OTUD4: variants seen among roughly 807,000 people sequenced by gnomAD.
OTUD4 encodes the protein OTU deubiquitinase 4, also known as OTU domain-containing protein 4.
OTUD4 carries 24 observed loss-of-function variants against 130.4 expected under a neutral mutation model. The ratio of observed to expected loss-of-function variants is 0.18; its 90% CI spans 0.13 to 0.26. The LOEUF is 0.26. OTUD4 is among the 10% of genes least tolerant of loss of function. The pLI, the probability that OTUD4 is intolerant of heterozygous loss-of-function variation, is 1.00. For missense variants in OTUD4, 1,031 were observed against 1,329.4 expected, an observed-to-expected ratio of 0.78 and a Z score of 3.49; for synonymous variants, 420 against 472.5, an observed-to-expected ratio of 0.89 and a Z score of 1.44.
chr4:145,163,332 T>C (rs1184377345), intron 5 of OTUD4, among the ~76,000 whole-genome samples: 2 of 152,176 alleles, frequency 1.3e-5, no homozygotes, highest in Non-Finnish European at 2.9e-5. Flanking sequence ...GACTCCAAAA[T>C]AGCTACTTAA....
At chr4:145,143,305 C>A in intron 17 of OTUD4, 60 bp downstream of exon 17, 1 of 1,057,558 alleles carries the variant, frequency 9.5e-7, no homozygotes. Context: ...TGACCCTATA[C>A]ACAGAGCACA....
At chr4:145,161,877 C>T (rs557485800) in intron 6 of OTUD4, among the ~76,000 whole-genome samples, 11 of 152,268 alleles carry the variant, frequency 7.2e-5, no homozygotes, top group Admixed American at 7.2e-4. Context: ...GCATATAAAT[C>T]TTTATTACCA....
At chr4:145,143,505 G>C in intron 16 of OTUD4, 60 bp from the exon 17 acceptor site, 1 of 964,540 alleles carries the variant, frequency 1.0e-6, no homozygotes, top group Non-Finnish European at 1.6e-6. Flanking sequence ...CTGGAATATT[G>C]ATGGTTTCCT....
At chr4:145,158,764 T>C (rs1254463344) in intron 7 of OTUD4, among the ~76,000 whole-genome samples, 1 of 152,220 alleles carries the variant, frequency 6.6e-6, no homozygotes, top group African/African-American at 2.4e-5. Context: ...CTGGATACCG[T>C]ATCTAGGACC....
chr4:145,148,872 T>C (rs1227921133), intron 13 of OTUD4, among the ~76,000 whole-genome samples: 1 of 152,224 alleles, frequency 6.6e-6, no homozygotes, highest in Admixed American at 6.5e-5. Context: ...TTGAGTAAGC[T>C]ACCACCAGGG....
intron 1 of OTUD4, among the ~76,000 whole-genome samples, chr4:145,179,270 A>G (rs1752574601): frequency 1.3e-5 from 2 of 152,200 alleles, no homozygotes; most frequent in Non-Finnish European, 2.9e-5. Flanking sequence ...AAAATATTCT[A>G]TATTTGTAAA....
At position 145,141,640 on chromosome 4, in the gene OTUD4, C is replaced by A; in HGVS notation, c.1823-1G>T. ...AAAACGGGAATTGGAGCAGGGACACCTACAAAAGAGAAGAAAAGGAATCAA... is the reference window on the plus strand; with the variant it reads ...AAAACGGGAATTGGAGCAGGGACACATACAAAAGAGAAGAAAAGGAATCAA... On this transcript the variant is annotated splice_acceptor_variant, in intron 18 of 20. Coordinates refer to ENST00000447906, the MANE Select transcript of OTUD4 (RefSeq NM_001366057.1). LOFTEE classifies it high-confidence loss of function. 2.0e-6 allele frequency: 3 copies of A among 1,509,510 alleles called. No homozygotes were observed. Among genetic ancestry groups the A allele is most frequent in the South Asian group, 2.7e-5 (2 of 72,834 alleles). The allele number at this position is 1,509,510 out of a possible 1,614,324, so 93.5% of individuals were successfully genotyped here.
chr4:145,150,811 A>T lies in OTUD4; in HGVS notation c.1063T>A (p.Phe355Ile). Reference protein sequence around the residue: ...MKKPSTSGQNFHSDVDYRGPK... With the variant: ...MKKPSTSGQNIHSDVDYRGPK... ...CTTGATGTGCTCCTACCAGAATGGA[A>T]ATTTTGTCCAGAAGTGGAAGGTTTT... Residue 355 changes from phenylalanine (F) to isoleucine (I), a missense_variant, in exon 12 of 21, where the codon TTC becomes ATC. Physicochemically the swap from Phe to Ile is conservative, Grantham distance 21 (BLOSUM62 0). Around this residue, in one of 3 missense-constraint regions of OTUD4, gnomAD observed 900 missense variants for 1,095.9 expected, o/e 0.82. Coordinates refer to ENST00000447906, the MANE Select transcript of OTUD4 (RefSeq NM_001366057.1). The T allele has an allele frequency of 6.2e-7, 1 of 1,613,388 alleles. No individual in the cohort carries two copies. The highest frequency in any genetic ancestry group is 8.5e-7 in the Non-Finnish European group (1 of 1,179,436).
intron 5 of OTUD4, among the ~76,000 whole-genome samples, chr4:145,163,199 C>A (rs1003371814): frequency 1.3e-5 from 2 of 152,074 alleles, no homozygotes; most frequent in Non-Finnish European, 2.9e-5. Context: ...TTTGAAAAAG[C>A]CAGATCCCTT....
intron 1 of OTUD4, among the ~76,000 whole-genome samples, chr4:145,179,262 A>T (rs762200808): frequency 6.6e-6 from 1 of 152,180 alleles, no homozygotes; most frequent in Non-Finnish European, 1.5e-5. Context: ...AATCCTTCAA[A>T]ATATTCTATA....
intron 19 of OTUD4, among the ~76,000 whole-genome samples, chr4:145,140,644 T>C (rs911469391): frequency 6.6e-6 from 1 of 152,136 alleles, no homozygotes; most frequent in Admixed American, 6.5e-5. Flanking sequence ...ATACTAAATA[T>C]AGTACTTTAA....
At position 145,137,009 on chromosome 4, in the gene OTUD4, CTA is replaced by C. The variant is rs144795214; in HGVS notation, c.*419_*420del. 1.5e-3 allele frequency: 228 copies of C among 155,670 alleles called. No homozygotes were observed. The highest frequency in any genetic ancestry group is 2.5e-3 in the Non-Finnish European group (179 of 70,198). 9.6% of individuals were successfully genotyped at this position (155,670 alleles called of 1,614,324 possible). ...TTTGGTGCAACGTTATGTTTGGAAT[CTA>C]TAGTGTGTCAAATGGTATATTTTCT... On this transcript the variant is annotated 3_prime_UTR_variant, in exon 21 of 21. Transcript: ENST00000447906.
In OTUD4 at chr4:145,144,311, C is replaced by A. The variant is rs1750720837; in HGVS notation, c.1546G>T (p.Asp516Tyr). The A allele has an allele frequency of 6.2e-7, 1 of 1,609,702 alleles. No individual in the cohort carries two copies. The highest frequency in any genetic ancestry group is 1.3e-5 in the African/African-American group (1 of 74,652). ...RMDTEERKDK[D>Y]SIHGHSQLDK... ...GCTTTCTAATGATGAGATAACTTAC[C>A]TTTGTCTTTTCGTTCTTCTGTATCC... Residue 516 changes from aspartate (D) to tyrosine (Y), a missense_variant and splice_region_variant, in exon 15 of 21, where the codon GAC (aspartate) becomes TAC (tyrosine). Physicochemically the swap from Asp to Tyr is radical, Grantham distance 160 (BLOSUM62 -3). This residue lies in a region of OTUD4 where 900 missense variants were observed against 1,095.9 expected (regional missense o/e 0.82). Coordinates refer to ENST00000447906, the MANE Select transcript of OTUD4 (RefSeq NM_001366057.1).
At chr4:145,159,302 C>T (rs1751440097) in intron 7 of OTUD4, 7 of 1,377,052 alleles carry the variant, frequency 5.1e-6, no homozygotes, top group Non-Finnish European at 5.6e-6. Flanking sequence ...AAAACACCAA[C>T]TTTCAAAACA....
intron 1 of OTUD4, chr4:145,177,978 A>C (rs937898791): frequency 6.6e-6 from 1 of 152,214 alleles, no homozygotes; most frequent in South Asian, 2.1e-4. Flanking sequence ...GATGATGGCT[A>C]TAACTGTAGC....
In OTUD4 at chr4:145,143,459, AAAG is replaced by A; in HGVS notation, c.1603-17_1603-15del. ...ATCAGTAATATTCTTTGGAAGCAAA[AAAG>A]AAGCAAAGTTTTGTATTTCAGAGAC... On this transcript the variant is annotated splice_polypyrimidine_tract_variant and intron_variant, in intron 16 of 20. Coordinates refer to ENST00000447906, the MANE Select transcript of OTUD4 (RefSeq NM_001366057.1). 2.6e-6 allele frequency: 4 copies of A among 1,525,808 alleles called. No individual in the cohort carries two copies. The highest frequency in any genetic ancestry group is 3.5e-5 in the Admixed American group (2 of 57,798). 94.5% of individuals were successfully genotyped at this position (1,525,808 alleles called of 1,614,324 possible).
At chr4:145,165,304 C>A in intron 3 of OTUD4, 107 bp from the exon 4 acceptor site, 1 of 640,012 alleles carries the variant, frequency 1.6e-6, no homozygotes, top group Non-Finnish European at 2.8e-6. Flanking sequence ...GTTCTTAAAG[C>A]TCATTATTAT....
chr4:145,142,377 AG>A, intron 17 of OTUD4, 43 bp from the exon 18 acceptor site: 1 of 1,590,440 alleles, frequency 6.3e-7, no homozygotes, highest in Non-Finnish European at 8.6e-7. Context: ...AAAAGACAAG[AG>A]GTCATTTTGC....
chr4:145,140,451 A>C (rs969902430), intron 19 of OTUD4, among the ~76,000 whole-genome samples: 6 of 152,318 alleles, frequency 3.9e-5, no homozygotes, highest in Admixed American at 2.6e-4. Context: ...CACAAACATC[A>C]AACTACTAAC....
Sources: gnomAD v4.1 joint callset for allele counts (sites outside exome capture counted in the v4.1 genomes callset) on GRCh38, gnomAD v4.1.1 for gene constraint, gnomAD v4.1.1 regional missense constraint, MANE v1.5 for transcripts, NCBI Gene and HGNC (gene_info 2026-07-23, HGNC 2026-07-21) for gene names.